The following EDAR variants were observed in gnomAD, a reference collection of about 807,000 sequenced individuals.
EDAR encodes the protein ectodysplasin A receptor.
Under a neutral mutation model 51.3 loss-of-function variants are expected in EDAR, and 38 were observed. The ratio of observed to expected loss-of-function variants is 0.74; its 90% CI spans 0.57 to 0.97. The LOEUF (loss-of-function observed/expected upper bound fraction) is 0.97. EDAR is among the 50% of genes least tolerant of loss of function. The pLI is 0.00. For missense variants in EDAR, 528 were observed against 595.0 expected (o/e 0.89, Z 1.17); for synonymous variants, 227 against 242.1 (o/e 0.94, Z 0.58).
intron 4 of EDAR, among the ~76,000 whole-genome samples, chr2:108,924,138 A>G (rs1217221879): frequency 6.6e-6 from 1 of 152,230 alleles, no homozygotes; most frequent in Non-Finnish European, 1.5e-5. Flanking sequence ...CAAGGGACAA[A>G]TCATTCACAG....
chr2:108,927,412 G>A (rs2105440888), intron 4 of EDAR, among the ~76,000 whole-genome samples: 1 of 152,310 alleles, frequency 6.6e-6, no homozygotes, highest in Middle Eastern at 3.4e-3. Context: ...TAGAGGCAGG[G>A]AGCTCACCAC....
At chr2:108,949,916 G>A (rs1697790589) in intron 1 of EDAR, among the ~76,000 whole-genome samples, 1 of 152,218 alleles carries the variant, frequency 6.6e-6, no homozygotes, top group Non-Finnish European at 1.5e-5. Context: ...AGCTCATGGA[G>A]GCCAATGCCC....
At chr2:108,969,733 G>A (rs1698205381) in intron 1 of EDAR, among the ~76,000 whole-genome samples, 1 of 152,240 alleles carries the variant, frequency 6.6e-6, no homozygotes, top group African/African-American at 2.4e-5. Context: ...AGTGAAAGGA[G>A]TGTGAGCTGC....
Position 108,911,042 on chromosome 2 carries a change from G to A in EDAR, c.560C>T (p.Ala187Val), listed in dbSNP as rs1411472080. ...ELSGQGHLAT[A>V]LIIAMSTIFI... ...GATGGTGGACATTGCAATGATCAGG[G>A]CAGTGGCCAGGTGTCCTTGGCCTGA... Residue 187 changes from alanine to valine, a missense_variant, in exon 7 of 12, where the codon GCC becomes GTC. Ala to Val is a moderately conservative substitution (Grantham distance 64, BLOSUM62 0). Coordinates refer to ENST00000258443, the MANE Select transcript of EDAR (RefSeq NM_022336.4). 6.2e-6 allele frequency: 10 copies of A among 1,614,080 alleles called. No individual in the cohort carries two copies. The East Asian group carries it at 2.0e-4, about 32-fold the overall frequency.
At chr2:108,902,260 C>A (rs1696714897) in intron 11 of EDAR, among the ~76,000 whole-genome samples, 1 of 151,930 alleles carries the variant, frequency 6.6e-6, no homozygotes, top group South Asian at 2.1e-4. Flanking sequence ...CCTATAATCC[C>A]AGCTACTTGG....
At chr2:108,925,666 G>A (rs1368846818) in intron 4 of EDAR, among the ~76,000 whole-genome samples, 8 of 152,030 alleles carry the variant, frequency 5.3e-5, no homozygotes, top group Non-Finnish European at 1.2e-4. Flanking sequence ...TGCCCATGCT[G>A]GAGTACAGAG....
intron 1 of EDAR, among the ~76,000 whole-genome samples, chr2:108,944,034 A>G (rs1697664783): frequency 6.6e-6 from 1 of 152,256 alleles, no homozygotes; most frequent in Non-Finnish European, 1.5e-5. Flanking sequence ...GTGGTTTCTC[A>G]GGAATGTACA....
intron 1 of EDAR, chr2:108,940,240 G>C (rs1381236507): frequency 6.6e-6 from 1 of 152,322 alleles, no homozygotes; most frequent in Non-Finnish European, 1.5e-5. Context: ...AGGGCTTGCT[G>C]CTCCTCTCAG....
chr2:108,899,765 C>A (rs907091893), intron 11 of EDAR, among the ~76,000 whole-genome samples: 1 of 152,108 alleles, frequency 6.6e-6, no homozygotes, highest in East Asian at 1.9e-4. Context: ...GTGGGCAGAT[C>A]ACCTGAGGTC....
intron 1 of EDAR, among the ~76,000 whole-genome samples, chr2:108,948,887 G>A (rs946285166): frequency 2.6e-5 from 4 of 152,172 alleles, no homozygotes; most frequent in African/African-American, 9.7e-5. Flanking sequence ...GGATGCCGAG[G>A]CAGGATGATC....
intron 7 of EDAR, 43 bp from the exon 8 acceptor site, chr2:108,910,893 G>C (rs369135198): frequency 3.8e-5 from 61 of 1,613,844 alleles, no homozygotes; most frequent in Non-Finnish European, 5.0e-5. Flanking sequence ...TCTCCGACAG[G>C]GGGAGTTGAC....
chr2:108,911,526 CCT>C (rs971533888), intron 6 of EDAR, among the ~76,000 whole-genome samples: 3 of 152,218 alleles, frequency 2.0e-5, no homozygotes, highest in Admixed American at 6.5e-5. Context: ...GCAATTTCAA[CCT>C]AAGTGTCATT....
At chr2:108,977,537 T>C (rs1240741587) in intron 1 of EDAR, among the ~76,000 whole-genome samples, 3 of 152,180 alleles carry the variant, frequency 2.0e-5, no homozygotes, top group Admixed American at 2.0e-4. Context: ...CCCAAAGTGC[T>C]GGGATTACAG....
At chr2:108,939,588 TG>T (rs869175024) in intron 1 of EDAR, among the ~76,000 whole-genome samples, 140 of 75,790 alleles carry the variant, frequency 1.8e-3, no homozygotes, top group Non-Finnish European at 5.6e-3. Context: ...GGGTGAGGGC[TG>T]GGAGGAGGAG....
chr2:108,929,483 G>A, intron 3 of EDAR, 104 bp from the exon 4 acceptor site: 1 of 1,250,438 alleles, frequency 8.0e-7, no homozygotes, highest in Non-Finnish European at 1.2e-6. Flanking sequence ...GTCTCCAGAA[G>A]CTACTCTTGC....
At chr2:108,972,381 G>C (rs1698250651) in intron 1 of EDAR, among the ~76,000 whole-genome samples, 1 of 152,202 alleles carries the variant, frequency 6.6e-6, no homozygotes, top group Admixed American at 6.5e-5. Flanking sequence ...TGCATGGTGT[G>C]GTCTCCACTC....
At chr2:108,907,783 C>G (rs773452302) in intron 10 of EDAR, 77 bp downstream of exon 10, 25 of 1,561,252 alleles carry the variant, frequency 1.6e-5, no homozygotes, top group Non-Finnish European at 2.2e-5. Context: ...AGAGCTGATT[C>G]AATAAGAAAG....
At chr2:108,925,385 A>G (rs1478288105) in intron 4 of EDAR, among the ~76,000 whole-genome samples, 2 of 152,194 alleles carry the variant, frequency 1.3e-5, no homozygotes. Context: ...GTAAAGCTCC[A>G]AGGCTACACG....
chr2:108,913,276 CAT>C (rs749408837), intron 5 of EDAR, among the ~76,000 whole-genome samples: 11 of 152,124 alleles, frequency 7.2e-5, no homozygotes, highest in Admixed American at 2.6e-4. Context: ...TGAAAACACT[CAT>C]GTGATAAGTC....
Sources: allele counts gnomAD v4.1 joint callset (sites outside exome capture counted in the v4.1 genomes callset), GRCh38; gene constraint gnomAD v4.1.1; transcripts MANE v1.5; gene names NCBI Gene and HGNC (gene_info 2026-07-23, HGNC 2026-07-21).